Variants in CCBE1 observed in about 807,000 individuals in gnomAD.
CCBE1 encodes the protein collagen and calcium binding EGF domains 1.
Under a neutral mutation model 50.0 loss-of-function variants are expected in CCBE1, and 37 were observed. The observed-to-expected ratio is 0.74, with a 90% CI of 0.57 to 0.97. The LOEUF is 0.97. Ranked by LOEUF, CCBE1 falls within the 50% of genes least tolerant of loss-of-function variation. The pLI is 0.00. For missense variants in CCBE1, 538 were observed against 523.8 expected (o/e 1.03, Z -0.26); for synonymous variants, 234 against 203.7 (o/e 1.15, Z -1.27).
intron 2 of CCBE1, among the ~76,000 whole-genome samples, chr18:59,619,107 A>G (rs1006176554): frequency 8.5e-5 from 13 of 152,234 alleles, no homozygotes; most frequent in South Asian, 2.1e-4. Context: ...GCCTCAAAGT[A>G]TCTGTTTACT....
chr18:59,485,399 T>C (rs1025376296), intron 2 of CCBE1, among the ~76,000 whole-genome samples: 3 of 152,068 alleles, frequency 2.0e-5, no homozygotes, highest in Non-Finnish European at 2.9e-5. Flanking sequence ...CTGATCATTA[T>C]GTTAGAGACT....
chr18:59,651,240 C>T (rs780671506), intron 2 of CCBE1, among the ~76,000 whole-genome samples: 1 of 152,172 alleles, frequency 6.6e-6, no homozygotes, highest in Admixed American at 6.5e-5. Flanking sequence ...AGGAAGTGTT[C>T]CTTGGCACCA....
At chr18:59,624,612 G>A (rs1200727163) in intron 2 of CCBE1, among the ~76,000 whole-genome samples, 2 of 152,052 alleles carry the variant, frequency 1.3e-5, no homozygotes, top group African/African-American at 4.8e-5. Context: ...CACAAAACAG[G>A]ATGACTAGGT....
chr18:59,437,536 G>A (rs533016906), intron 10 of CCBE1, among the ~76,000 whole-genome samples: 1 of 152,252 alleles, frequency 6.6e-6, no homozygotes, highest in African/African-American at 2.4e-5. Context: ...CACAGCCGCT[G>A]GATTTCAGAA....
rs142892209 is a variant in CCBE1 at position 59,524,787 on chromosome 18, C to T, written c.213-44549G>A. Reference sequence around the variant, plus strand: ...ATAGGCCCCAGTATGTGCTGTTCTCCTCCCTGTGTCCATGTGTTCTCACTA... The same window carrying T: ...ATAGGCCCCAGTATGTGCTGTTCTCTTCCCTGTGTCCATGTGTTCTCACTA... On this transcript the variant is annotated intron_variant, in intron 2 of 10. Coordinates refer to ENST00000439986, the MANE Select transcript of CCBE1 (RefSeq NM_133459.4). Among the ~76,000 whole-genome samples the T allele has an allele frequency of 4.9e-3, 742 of 152,262 alleles. 6 individuals carry two copies. The highest frequency in any genetic ancestry group is 0.017 in the African/African-American group (705 of 41,544).
At chr18:59,627,487 G>C (rs761960680) in intron 2 of CCBE1, among the ~76,000 whole-genome samples, 1 of 152,168 alleles carries the variant, frequency 6.6e-6, no homozygotes, top group South Asian at 2.1e-4. Context: ...TGGTACCGGA[G>C]AAATAGGTGT....
At chr18:59,475,810 CT>C (rs1912279770) in intron 3 of CCBE1, among the ~76,000 whole-genome samples, 1 of 152,172 alleles carries the variant, frequency 6.6e-6, no homozygotes, top group African/African-American at 2.4e-5. Flanking sequence ...CTCCACCTCC[CT>C]GGTTCAAGCA....
At chr18:59,673,868 A>G (rs967546664) in intron 2 of CCBE1, among the ~76,000 whole-genome samples, 4 of 152,180 alleles carry the variant, frequency 2.6e-5, no homozygotes, top group African/African-American at 7.2e-5. Flanking sequence ...GGATTTTCAC[A>G]TCAACGTTCA....
intron 4 of CCBE1, among the ~76,000 whole-genome samples, chr18:59,468,916 G>A (rs1477054323): frequency 6.6e-6 from 1 of 151,600 alleles, no homozygotes; most frequent in African/African-American, 2.4e-5. Context: ...TCAGACACAT[G>A]GTTCCAATGG....
intron 2 of CCBE1, among the ~76,000 whole-genome samples, chr18:59,557,739 C>T (rs928636417): frequency 1.3e-5 from 2 of 152,144 alleles, no homozygotes; most frequent in Non-Finnish European, 1.5e-5. Context: ...AGTGCTCAAG[C>T]CACTTGCTTG....
At chr18:59,620,779 C>T (rs1354861647) in intron 2 of CCBE1, among the ~76,000 whole-genome samples, 2 of 152,148 alleles carry the variant, frequency 1.3e-5, no homozygotes, top group African/African-American at 4.8e-5. Flanking sequence ...GAGGCCTCTC[C>T]AGCCATGTGG....
At chr18:59,691,673 G>A (rs1010311161) in intron 2 of CCBE1, among the ~76,000 whole-genome samples, 3 of 152,082 alleles carry the variant, frequency 2.0e-5, no homozygotes, top group Admixed American at 2.0e-4. Context: ...CAAAGTGCTG[G>A]GATTACAGGC....
chr18:59,491,831 C>CAAAT (rs1913113059), intron 2 of CCBE1, among the ~76,000 whole-genome samples: 54 of 138,686 alleles, frequency 3.9e-4, no homozygotes, highest in African/African-American at 1.0e-3. Flanking sequence ...AACAAACAAA[C>CAAAT]AAACAAAAAA....
At chr18:59,632,262 G>A (rs2053859021) in intron 2 of CCBE1, among the ~76,000 whole-genome samples, 1 of 152,104 alleles carries the variant, frequency 6.6e-6, no homozygotes, top group Non-Finnish European at 1.5e-5. Flanking sequence ...CTCATTTATA[G>A]GCATTCTGGG....
At chr18:59,439,370 C>T (rs1226287567) in intron 9 of CCBE1, among the ~76,000 whole-genome samples, 173 bp downstream of exon 9, 8 of 151,706 alleles carry the variant, frequency 5.3e-5, no homozygotes, top group African/African-American at 1.7e-4. Context: ...GAGGCTGAGG[C>T]GGGAGAATTG....
intron 2 of CCBE1, chr18:59,688,510 A>G (rs1176758398): frequency 1.3e-5 from 2 of 152,276 alleles, no homozygotes; most frequent in African/African-American, 4.8e-5. Context: ...CTTTCAGCCT[A>G]CAAAGCGTGT....
intron 2 of CCBE1, among the ~76,000 whole-genome samples, chr18:59,491,957 G>A (rs943730211): frequency 1.3e-5 from 2 of 151,554 alleles, no homozygotes; most frequent in South Asian, 2.1e-4. Flanking sequence ...ACCAGCCTGG[G>A]CAACACGGTG....
At chr18:59,526,379 G>C (rs1055418787) in intron 2 of CCBE1, among the ~76,000 whole-genome samples, 1 of 150,078 alleles carries the variant, frequency 6.7e-6, no homozygotes, top group Non-Finnish European at 1.5e-5. Flanking sequence ...GCACCATCTC[G>C]GCTCACTGCA....
intron 2 of CCBE1, among the ~76,000 whole-genome samples, chr18:59,500,561 C>T (rs1228104582): frequency 1.3e-5 from 2 of 152,158 alleles, no homozygotes; most frequent in East Asian, 1.9e-4. Context: ...CAATGACACC[C>T]TCCAAAGTCC....
Sources: gnomAD v4.1 joint callset for allele counts (sites outside exome capture counted in the v4.1 genomes callset) on GRCh38, gnomAD v4.1.1 for gene constraint, MANE v1.5 for transcripts, NCBI Gene and HGNC (gene_info 2026-07-23, HGNC 2026-07-21) for gene names.